Variants in NAALADL2 observed in about 807,000 individuals in gnomAD.
NAALADL2 encodes inactive N-acetylated-alpha-linked acidic dipeptidase-like protein 2.
NAALADL2 carries 76 observed loss-of-function variants against 87.2 expected under a neutral mutation model. The observed-to-expected ratio is 0.87, with a 90% CI of 0.72 to 1.05. NAALADL2 has a LOEUF of 1.05. Ranked by LOEUF, NAALADL2 falls within the 50% of genes least tolerant of loss-of-function variation. The pLI is 0.00. For synonymous variants in NAALADL2, 354 were observed against 331.0 expected (o/e 1.07, Z -0.75); for missense variants, 1,089 against 945.8 (o/e 1.15, Z -1.99).
chr3:175,105,226 G>A lies in NAALADL2; in HGVS notation c.545+7935G>A, dbSNP rs115112521. Among the ~76,000 whole-genome samples, 957 of 152,028 alleles carry A rather than the reference G, an allele frequency of 6.3e-3. 12 individuals are homozygous for A. Among genetic ancestry groups the A allele is most frequent in the African/African-American group, 0.022 (913 of 41,480 alleles). ...ACAGTACTTCATTTCCTCCCATTTT[G>A]TTGGCATGAATCACTTTCTGTTTCA... is the stretch of plus-strand genomic sequence containing the variant. On this transcript the variant is annotated intron_variant, in intron 2 of 13. Transcript: ENST00000454872.
chr3:175,795,290 T>G (rs1444253372), intron 13 of NAALADL2, among the ~76,000 whole-genome samples: 1 of 152,204 alleles, frequency 6.6e-6, no homozygotes, highest in African/African-American at 2.4e-5. Flanking sequence ...ATCCTAACTT[T>G]GTAATGCATA....
At chr3:175,184,264 C>T (rs547260235) in intron 2 of NAALADL2, among the ~76,000 whole-genome samples, 1 of 152,030 alleles carries the variant, frequency 6.6e-6, no homozygotes, top group Non-Finnish European at 1.5e-5. Flanking sequence ...TTTAGAGCCT[C>T]AGAACTTTTT....
intron 2 of NAALADL2, among the ~76,000 whole-genome samples, chr3:175,222,132 T>C (rs1743480306): frequency 6.6e-6 from 1 of 152,164 alleles, no homozygotes; most frequent in Non-Finnish European, 1.5e-5. Flanking sequence ...AAAAATGTAC[T>C]TGGCACAGTG....
chr3:175,297,892 T>A (rs1756579350), intron 4 of NAALADL2, among the ~76,000 whole-genome samples: 1 of 152,204 alleles, frequency 6.6e-6, no homozygotes, highest in Non-Finnish European at 1.5e-5. Flanking sequence ...AATCTGGTAT[T>A]GGCACATATG....
chr3:175,026,198 A>T (rs760942145), intron 1 of NAALADL2, among the ~76,000 whole-genome samples: 3 of 152,144 alleles, frequency 2.0e-5, no homozygotes, highest in Non-Finnish European at 4.4e-5. Flanking sequence ...TATGGATTTA[A>T]TAGGTTTATA....
At chr3:174,830,242 G>T (rs1436432894) in intron 3 of NAALADL2, among the ~76,000 whole-genome samples, 8 of 145,908 alleles carry the variant, frequency 5.5e-5, no homozygotes, top group African/African-American at 2.5e-5. Context: ...GGGTTTTTAT[G>T]GTTTTAGGTC....
At chr3:174,713,844 C>T (rs1032426857) in intron 2 of NAALADL2, among the ~76,000 whole-genome samples, 19 of 151,884 alleles carry the variant, frequency 1.3e-4, no homozygotes, top group Non-Finnish European at 2.5e-4. Context: ...GTTGCCATTG[C>T]TTTTGGTGTT....
chr3:175,378,922 G>C (rs879829290), intron 5 of NAALADL2, among the ~76,000 whole-genome samples: 1 of 152,070 alleles, frequency 6.6e-6, no homozygotes, highest in Admixed American at 6.5e-5. Flanking sequence ...TTTGTAACTT[G>C]TAGGTTGAAA....
intron 3 of NAALADL2, among the ~76,000 whole-genome samples, chr3:174,751,911 TTTAA>T (rs1456679796): frequency 6.6e-6 from 1 of 152,166 alleles, no homozygotes; most frequent in African/African-American, 2.4e-5. Context: ...GGAGGGTTTC[TTTAA>T]TTCATATTCT....
rs1005088833 is a variant in NAALADL2, at chr3:175,452,834, G to A, written c.1234+5462G>A. 2.0e-5 allele frequency among the ~76,000 whole-genome samples: 3 copies of A among 152,134 alleles called. 1 individual carries two copies. The highest frequency in any genetic ancestry group is 4.4e-5 in the Non-Finnish European group (3 of 68,004). On this transcript the variant is annotated intron_variant, in intron 6 of 13. Transcript: ENST00000454872. ...GGACTGTTCATCAGGGATCTTAAAT[G>A]GAGTGAGCGTAGGGGGGAACCTATT...
intron 3 of NAALADL2, among the ~76,000 whole-genome samples, chr3:174,748,800 A>G (rs541123424): frequency 1.4e-3 from 213 of 152,304 alleles, no homozygotes; most frequent in African/African-American, 4.8e-3. Context: ...GTTTGACTAA[A>G]TCAGGTCTAC....
At chr3:175,713,212 G>A (rs1740762856) in intron 11 of NAALADL2, among the ~76,000 whole-genome samples, 1 of 152,056 alleles carries the variant, frequency 6.6e-6, no homozygotes, top group African/African-American at 2.4e-5. Flanking sequence ...ACAGTGTTAT[G>A]GTGAATTGAC....
At chr3:174,796,043 T>C (rs1718042264) in intron 3 of NAALADL2, among the ~76,000 whole-genome samples, 1 of 152,256 alleles carries the variant, frequency 6.6e-6, no homozygotes, top group East Asian at 1.9e-4. Context: ...AAATAGGTAA[T>C]TAAGATCAAT....
intron 1 of NAALADL2, among the ~76,000 whole-genome samples, chr3:174,510,901 C>G (rs1425454537): frequency 6.6e-6 from 1 of 151,772 alleles, no homozygotes; most frequent in Non-Finnish European, 1.5e-5. Flanking sequence ...GACGTGTGTT[C>G]ATTTTCTTTC....
At chr3:175,425,530 A>AT (rs945982467) in intron 5 of NAALADL2, among the ~76,000 whole-genome samples, 17 of 152,128 alleles carry the variant, frequency 1.1e-4, no homozygotes, top group African/African-American at 3.1e-4. Flanking sequence ...ATTTAGATGT[A>AT]TTTTTTTTAA....
intron 1 of NAALADL2, among the ~76,000 whole-genome samples, chr3:175,004,727 T>C (rs1232528880): frequency 1.3e-5 from 2 of 152,180 alleles, no homozygotes; most frequent in Admixed American, 6.6e-5. Context: ...ATAATAACTT[T>C]GTTTCATGCA....
chr3:174,558,070 TA>T (rs1713084409), intron 2 of NAALADL2, among the ~76,000 whole-genome samples: 1 of 152,196 alleles, frequency 6.6e-6, no homozygotes, highest in African/African-American at 2.4e-5. Context: ...GTATTCAGCA[TA>T]AACTATATTG....
At chr3:174,948,383 G>T (rs570761535) in intron 1 of NAALADL2, among the ~76,000 whole-genome samples, 1 of 151,972 alleles carries the variant, frequency 6.6e-6, no homozygotes, top group African/African-American at 2.4e-5. Flanking sequence ...CACCATGTTG[G>T]CCAGGCTGGT....
intron 11 of NAALADL2, among the ~76,000 whole-genome samples, chr3:175,637,346 G>C (rs1400647641): frequency 6.6e-6 from 1 of 152,142 alleles, no homozygotes; most frequent in East Asian, 1.9e-4. Context: ...ATTTCTCTTT[G>C]TCATACATAG....
Sources: gnomAD v4.1 joint callset for allele counts (sites outside exome capture counted in the v4.1 genomes callset) on GRCh38, gnomAD v4.1.1 for gene constraint, MANE v1.5 for transcripts, NCBI Gene and HGNC (gene_info 2026-07-23, HGNC 2026-07-21) for gene names.